Variants in SLC25A10 observed in about 807,000 individuals in gnomAD.
The protein encoded by SLC25A10 is solute carrier family 25 member 10, also known as mitochondrial dicarboxylate carrier.
SLC25A10 carries 32 observed loss-of-function variants against 40.4 expected under a neutral mutation model. That is an observed-to-expected ratio of 0.79 (90% CI 0.60 to 1.06). The LOEUF (loss-of-function observed/expected upper bound fraction) is 1.06, where lower values mean the gene tolerates loss of function less well. SLC25A10 is among the 50% of genes least tolerant of loss of function. The probability of loss-of-function intolerance (pLI) is 0.00; values close to 1 mark genes in which losing one functional copy is unlikely to be tolerated. For missense variants in SLC25A10, 394 were observed against 402.6 expected (o/e 0.98, Z 0.18); for synonymous variants, 181 against 171.1 (o/e 1.06, Z -0.45).
rs566528797 is a variant in SLC25A10, at chr17:81,717,441, G to A, written c.577G>A (p.Gly193Arg). 3.8e-5 allele frequency: 62 copies of A among 1,613,620 alleles called. No individual in the cohort carries two copies. The South Asian group carries it at 4.5e-4, about 12-fold the overall frequency. Residue 193 changes from glycine (G) to arginine (R), a missense_variant, in exon 8 of 11, where the codon GGG becomes AGG. Gly to Arg is a moderately radical substitution (Grantham distance 125). Coordinates refer to ENST00000350690, the MANE Select transcript of SLC25A10 (RefSeq NM_012140.5). The stretch of plus-strand genomic sequence containing the variant: ...GGCCAAGCAGCTGGTCCTTAGCACC[G>A]GGTACCTCTCTGACAACATCTTCAC... ...DQAKQLVLST[G>R]YLSDNIFTHF...
chr17:81,716,436 C>T (rs985771009), intron 5 of SLC25A10, among the ~76,000 whole-genome samples: 4 of 152,182 alleles, frequency 2.6e-5, no homozygotes, highest in African/African-American at 4.8e-5. Flanking sequence ...GCCCGGGGTC[C>T]GCTCCAACTG....
At chr17:81,718,471 G>A (rs985925032) in intron 9 of SLC25A10, among the ~76,000 whole-genome samples, 2 of 151,692 alleles carry the variant, frequency 1.3e-5, no homozygotes, top group African/African-American at 4.8e-5. Flanking sequence ...GGCCACAAGA[G>A]TGAAACTGTC....
intron 7 of SLC25A10, 90 bp from the exon 8 acceptor site, chr17:81,717,309 C>A: frequency 7.6e-7 from 1 of 1,307,350 alleles, no homozygotes; most frequent in Non-Finnish European, 1.1e-6. Flanking sequence ...AGGTGCTTGG[C>A]CATTGCCAGG....
At chr17:81,715,925 G>A in intron 4 of SLC25A10, 84 bp from the exon 5 acceptor site, 1 of 1,485,264 alleles carries the variant, frequency 6.7e-7, no homozygotes, top group East Asian at 2.4e-5. Flanking sequence ...GGGCCCCGCT[G>A]ACCAGCGTGA....
intron 4 of SLC25A10, 119 bp from the exon 5 acceptor site, chr17:81,715,890 T>G: frequency 7.0e-7 from 1 of 1,420,928 alleles, no homozygotes; most frequent in Non-Finnish European, 9.8e-7. Flanking sequence ...TGGGTGTCCC[T>G]GAGCCCCGGC....
Position 81,713,412 on chromosome 17 carries a change from T to A in SLC25A10, c.93+893T>A, listed in dbSNP as rs2037421955. 19 of 984,796 alleles carry A rather than the reference T, an allele frequency of 1.9e-5. No homozygotes were observed. In the South Asian group the frequency reaches 8.5e-4, roughly 44 times the overall value. The allele number at this position is 984,796 out of a possible 1,614,324, so 61.0% of individuals were successfully genotyped here. On this transcript the variant is annotated intron_variant, in intron 1 of 10. Coordinates refer to ENST00000350690, the MANE Select transcript of SLC25A10 (RefSeq NM_012140.5). ...AGCCGCCTGTCTAGGGGACCTTTAT[T>A]TTAGCAGCCTGTCCAGGGGACTTGT...
At chr17:81,718,064 G>A (rs1046082136) in intron 9 of SLC25A10, among the ~76,000 whole-genome samples, 1 of 152,214 alleles carries the variant, frequency 6.6e-6, no homozygotes, top group Admixed American at 6.5e-5. Context: ...AAGACTTCTT[G>A]GCCCGGCGCA....
intron 4 of SLC25A10, 22 bp downstream of exon 4, chr17:81,715,763 C>A (rs1319845175): frequency 6.2e-7 from 1 of 1,612,988 alleles, no homozygotes; most frequent in South Asian, 1.1e-5. Flanking sequence ...CCCACCCCAC[C>A]TGCAAGGCCA....
rs1945678883 is a variant in SLC25A10, at chr17:81,720,634, G to A, written c.*557G>A. On this transcript the variant is annotated 3_prime_UTR_variant, in exon 11 of 11. Transcript: ENST00000350690. Reference sequence around the variant, plus strand: ...AACAAGCAACGCAGACCACAAGCGAGTGCCTGGGAGGGAGTGGCCCAGGGT... The same window carrying A: ...AACAAGCAACGCAGACCACAAGCGAATGCCTGGGAGGGAGTGGCCCAGGGT... 1 of 839,998 alleles carries A rather than the reference G, an allele frequency of 1.2e-6. No homozygotes were observed. The highest frequency in any genetic ancestry group is 1.6e-6 in the Non-Finnish European group (1 of 623,676). 52.0% of individuals were successfully genotyped at this position (839,998 alleles called of 1,614,324 possible).
chr17:81,715,560 T>C lies in SLC25A10; in HGVS notation c.296T>C (p.Phe99Ser), dbSNP rs753569689. The C allele has an allele frequency of 6.2e-7, 1 of 1,612,742 alleles. No individual in the cohort carries two copies. Among genetic ancestry groups the C allele is most frequent in the Non-Finnish European group, 8.5e-7 (1 of 1,179,788 alleles). ...VAKGSQGPLP[F>S]HEKVLLGSVS... ...AAGGGCAGCCAGGGGCCTCTCCCCT[T>C]CCACGAGAAGGTGTTGCTGGGCTCC... is the stretch of plus-strand genomic sequence containing the variant. The change falls in exon 3 of 11, where the codon TTC becomes TCC. Residue 99 changes from phenylalanine (F) to serine (S), a missense_variant. Transcript: ENST00000350690.
chr17:81,712,391 G>C lies in SLC25A10; in HGVS notation c.-36G>C, dbSNP rs200305356. On this transcript the variant is annotated 5_prime_UTR_variant, in exon 1 of 11. Coordinates refer to ENST00000350690, the MANE Select transcript of SLC25A10 (RefSeq NM_012140.5). Reference sequence around the variant, plus strand: ...ACACGCCGGGGTAGGGCCGGGGTCGGGTTGTGGTCGGGCCGGGATTGGGCT... The same window carrying C: ...ACACGCCGGGGTAGGGCCGGGGTCGCGTTGTGGTCGGGCCGGGATTGGGCT... The C allele has an allele frequency of 1.1e-3, 1,372 of 1,230,340 alleles. 16 individuals are homozygous for C. The African/African-American group carries it at 0.018, about 17-fold the overall frequency. The allele number at this position is 1,230,340 out of a possible 1,614,324, so 76.2% of individuals were successfully genotyped here. A position where few individuals can be genotyped will look rare whatever the true frequency, so the allele number is the denominator to read the frequency against.
chr17:81,717,908 TC>T, intron 9 of SLC25A10, 47 bp downstream of exon 9: 1 of 1,445,818 alleles, frequency 6.9e-7, no homozygotes. Flanking sequence ...GCCCAGCGAG[TC>T]CCCTCACCTC....
At chr17:81,716,630 CG>C in intron 5 of SLC25A10, 181 bp from the exon 6 acceptor site, 1 of 621,642 alleles carries the variant, frequency 1.6e-6, no homozygotes, top group East Asian at 2.8e-5. Context: ...GAGGGCCGGG[CG>C]GGGCGGGCGA....
At chr17:81,713,406 C>T in intron 1 of SLC25A10, 9 of 983,532 alleles carry the variant, frequency 9.2e-6, no homozygotes, top group Non-Finnish European at 1.1e-5. Flanking sequence ...TCTAGGGGAC[C>T]TTTATTTTAG....
rs995050182 is a variant in SLC25A10, at chr17:81,715,797, G to C, written c.377+56G>C. 4.4e-6 allele frequency: 7 copies of C among 1,595,070 alleles called. No homozygotes were observed. In the Admixed American group the frequency reaches 8.3e-5, roughly 19 times the overall value. The stretch of plus-strand genomic sequence containing the variant: ...CAGGGGCTTTCTTGTCCCCAGACAT[G>C]CCAGGGCCTGCCAGGGCTGCTTGCA... On this transcript the variant is annotated intron_variant, in intron 4 of 10. Transcript: ENST00000350690.
At chr17:81,715,364 C>T in intron 2 of SLC25A10, 114 bp from the exon 3 acceptor site, 1 of 947,922 alleles carries the variant, frequency 1.1e-6, no homozygotes, top group South Asian at 1.5e-5. Context: ...TTGGGAAGGC[C>T]CCTCAGGGTC....
At position 81,720,405 on chromosome 17, in the gene SLC25A10, T is replaced by C; in HGVS notation, c.*328T>C. 7.2e-7 allele frequency: 1 copy of C among 1,391,116 alleles called. No individual in the cohort carries two copies. Among genetic ancestry groups the C allele is most frequent in the Non-Finnish European group, 9.3e-7 (1 of 1,079,058 alleles). 86.2% of individuals were successfully genotyped at this position (1,391,116 alleles called of 1,614,324 possible). ...CCTCTCCTGGGCCAGGGGAGGGGTATTATCCCTGCCTCCTGCCCCCGATGC... is the reference window on the plus strand; with the variant it reads ...CCTCTCCTGGGCCAGGGGAGGGGTACTATCCCTGCCTCCTGCCCCCGATGC... On this transcript the variant is annotated 3_prime_UTR_variant, in exon 11 of 11. Transcript: ENST00000350690.
chr17:81,716,944 G>A (rs1468192509), intron 6 of SLC25A10, 58 bp from the exon 7 acceptor site: 1 of 1,609,484 alleles, frequency 6.2e-7, no homozygotes, highest in Non-Finnish European at 8.5e-7. Flanking sequence ...AGGGATTTGG[G>A]CCAGGTGCCT....
intron 1 of SLC25A10, 46 bp downstream of exon 1, chr17:81,712,565 G>A (rs1322791237): frequency 6.8e-6 from 8 of 1,176,688 alleles, no homozygotes; most frequent in Non-Finnish European, 8.5e-6. Flanking sequence ...CCCTGGCGCC[G>A]CCGAGACGCC....
Sources: allele counts gnomAD v4.1 joint callset (sites outside exome capture counted in the v4.1 genomes callset), GRCh38; gene constraint gnomAD v4.1.1; transcripts MANE v1.5; gene names NCBI Gene and HGNC (gene_info 2026-07-23, HGNC 2026-07-21).